CSMD1: variants seen among roughly 807,000 people sequenced by gnomAD.
The protein encoded by CSMD1 is CUB and Sushi multiple domains 1.
Under a neutral mutation model 417.5 loss-of-function variants are expected in CSMD1, and 213 were observed. The observed-to-expected ratio is 0.51, with a 90% CI of 0.46 to 0.57. The LOEUF (loss-of-function observed/expected upper bound fraction) is 0.57. Among genes scored for constraint, CSMD1 ranks in the 20% least tolerant of loss-of-function variants. The pLI is 0.00. For missense variants in CSMD1, 6,923 were observed against 4,529.7 expected (o/e 1.53, Z -15.17); for synonymous variants, 2,862 against 1,736.8 (o/e 1.65, Z -16.11).
chr8:4,302,485 G>A (rs190011585), intron 3 of CSMD1, among the ~76,000 whole-genome samples: 22 of 152,254 alleles, frequency 1.4e-4, no homozygotes, highest in Admixed American at 9.8e-4. Context: ...CTGTGAAAAT[G>A]TAAGCTACTT....
At chr8:3,759,333 G>C (rs575321568) in intron 5 of CSMD1, among the ~76,000 whole-genome samples, 22 of 152,086 alleles carry the variant, frequency 1.4e-4, no homozygotes, top group Admixed American at 8.5e-4. Flanking sequence ...AACAAAATAT[G>C]GTACAATGTG....
chr8:4,482,540 G>C (rs1479069425), intron 2 of CSMD1, among the ~76,000 whole-genome samples: 1 of 152,174 alleles, frequency 6.6e-6, no homozygotes, highest in Non-Finnish European at 1.5e-5. Flanking sequence ...ATTGTGAATA[G>C]TGTTGCAATG....
At chr8:3,967,460 A>G (rs1193660721) in intron 5 of CSMD1, among the ~76,000 whole-genome samples, 7 of 15,602 alleles carry the variant, frequency 4.5e-4, no homozygotes, top group African/African-American at 3.0e-3. Context: ...CTAAAAGGAA[A>G]AAAAAAAAAA....
chr8:3,025,460 A>C (rs1249409697), intron 51 of CSMD1, among the ~76,000 whole-genome samples: 1 of 151,600 alleles, frequency 6.6e-6, no homozygotes, highest in Non-Finnish European at 1.5e-5. Context: ...GTTCTTCTGA[A>C]ACTGTGTATT....
At chr8:3,168,911 G>T (rs1007490415) in intron 37 of CSMD1, among the ~76,000 whole-genome samples, 2 of 146,862 alleles carry the variant, frequency 1.4e-5, no homozygotes, top group African/African-American at 5.0e-5. Context: ...TTTAGGGGAA[G>T]TAAAATGTTC....
At chr8:3,154,025 G>A (rs201734470) in intron 39 of CSMD1, among the ~76,000 whole-genome samples, 2 of 152,116 alleles carry the variant, frequency 1.3e-5, no homozygotes, top group East Asian at 3.9e-4. Context: ...GGACTGCAGT[G>A]GTGCAATCTC....
At chr8:4,520,741 A>G (rs140244667) in intron 2 of CSMD1, among the ~76,000 whole-genome samples, 31 of 152,310 alleles carry the variant, frequency 2.0e-4, no homozygotes, top group African/African-American at 7.5e-4. Flanking sequence ...TTTAACTCTA[A>G]TTGAATTAAA....
chr8:3,418,611 C>G (rs919866182), intron 12 of CSMD1, among the ~76,000 whole-genome samples: 1 of 152,156 alleles, frequency 6.6e-6, no homozygotes, highest in Non-Finnish European at 1.5e-5. Context: ...TCCTGTGTCT[C>G]AGCTCAACAG....
intron 1 of CSMD1, among the ~76,000 whole-genome samples, chr8:4,801,393 C>T (rs1375782302): frequency 2.0e-5 from 3 of 151,900 alleles, no homozygotes; most frequent in East Asian, 1.9e-4. Flanking sequence ...AAGTGAGAGA[C>T]ACCCTCTCCC....
At chr8:3,647,724 T>C (rs1260537136) in intron 7 of CSMD1, among the ~76,000 whole-genome samples, 3 of 152,150 alleles carry the variant, frequency 2.0e-5, no homozygotes. Context: ...AAACAAACGT[T>C]AAAGTATTGA....
In CSMD1 at chr8:4,642,023, T is replaced by G. The variant is rs150767602; in HGVS notation, c.86-4465A>C. ...AACAATTTGGATTTGGATTAAATAC[T>G]TGCCAGTCCTGCAGGAACCAGTAAG... On this transcript the variant is annotated intron_variant, in intron 1 of 69. Transcript: ENST00000635120. 5.2e-3 allele frequency among the ~76,000 whole-genome samples: 797 copies of G among 152,320 alleles called. 8 individuals are homozygous for G. Among genetic ancestry groups the G allele is most frequent in the African/African-American group, 0.018 (761 of 41,572 alleles).
At chr8:3,794,368 T>A (rs1301503134) in intron 5 of CSMD1, among the ~76,000 whole-genome samples, 3 of 152,318 alleles carry the variant, frequency 2.0e-5, no homozygotes, top group Admixed American at 6.5e-5. Context: ...AAAACACTTA[T>A]AGATCATGAA....
intron 5 of CSMD1, among the ~76,000 whole-genome samples, chr8:3,896,119 G>C (rs1807343697): frequency 1.3e-5 from 2 of 152,062 alleles, no homozygotes; most frequent in African/African-American, 4.8e-5. Context: ...CCCATTCTTG[G>C]GGCTTGAGTA....
chr8:3,764,278 C>A (rs1379615104), intron 5 of CSMD1, among the ~76,000 whole-genome samples: 1 of 152,200 alleles, frequency 6.6e-6, no homozygotes, highest in Non-Finnish European at 1.5e-5. Context: ...GTGTTCCCGT[C>A]CAAACCCTGG....
In CSMD1 at chr8:3,307,791, G is replaced by A. The variant is rs748713850; in HGVS notation, c.3854C>T (p.Thr1285Ile). The stretch of plus-strand genomic sequence containing the variant: ...GCCAGGGGACAATATTCGTCCTGAT[G>A]TGGCTGCATGGATCTGACCACCACA... ...AECGGQIHAA[T>I]SGRILSPGYP... Residue 1285 changes from threonine (T) to isoleucine (I), a missense_variant, in exon 25 of 70, where the codon ACA becomes ATA. Physicochemically the swap from Thr to Ile is moderately conservative, Grantham distance 89. Transcript: ENST00000635120. 3 of 1,613,534 alleles carry A rather than the reference G, an allele frequency of 1.9e-6. No individual in the cohort carries two copies. Among genetic ancestry groups the A allele is most frequent in the Non-Finnish European group, 2.5e-6 (3 of 1,179,654 alleles).
intron 5 of CSMD1, among the ~76,000 whole-genome samples, chr8:3,826,996 G>A (rs888274561): frequency 3.9e-5 from 6 of 152,078 alleles, no homozygotes; most frequent in African/African-American, 1.4e-4. Flanking sequence ...TGCCCAAGCT[G>A]GTCTTGAACT....
intron 11 of CSMD1, among the ~76,000 whole-genome samples, chr8:3,490,528 C>A (rs138453281): frequency 3.3e-5 from 5 of 152,076 alleles, no homozygotes; most frequent in Admixed American, 6.5e-5. Flanking sequence ...AATAATAATA[C>A]GTGTGGGTTA....
intron 3 of CSMD1, among the ~76,000 whole-genome samples, chr8:4,164,965 G>A (rs766081552): frequency 1.3e-5 from 2 of 152,064 alleles, no homozygotes; most frequent in African/African-American, 4.8e-5. Context: ...CAACTGAGCA[G>A]TAGGAATTTT....
chr8:3,312,289 G>C (rs915482570), intron 23 of CSMD1, among the ~76,000 whole-genome samples: 2 of 152,160 alleles, frequency 1.3e-5, no homozygotes, highest in Admixed American at 6.5e-5. Flanking sequence ...TGGCAGCGTA[G>C]TTTTCTCTTT....
Sources: gnomAD v4.1 joint callset for allele counts (sites outside exome capture counted in the v4.1 genomes callset) on GRCh38, gnomAD v4.1.1 for gene constraint, MANE v1.5 for transcripts, NCBI Gene and HGNC (gene_info 2026-07-23, HGNC 2026-07-21) for gene names.